TSHZ2: variants seen among roughly 807,000 people sequenced by gnomAD.
TSHZ2 encodes the protein teashirt homolog 2.
In TSHZ2, 21 loss-of-function variants were observed where a neutral mutation model predicts 74.4. The ratio of observed to expected loss-of-function variants is 0.28; its 90% CI spans 0.20 to 0.41. The LOEUF (loss-of-function observed/expected upper bound fraction) is 0.41. Among genes scored for constraint, TSHZ2 ranks in the 10% least tolerant of loss-of-function variants. The pLI is 1.00. For missense variants in TSHZ2, 1,244 were observed against 1,293.5 expected (o/e 0.96, Z 0.59); for synonymous variants, 540 against 515.3 (o/e 1.05, Z -0.65).
At position 53,494,335 on chromosome 20, in the gene TSHZ2, G is replaced by A. The variant is rs1023662549; in HGVS notation, c.*7200G>A. On this transcript the variant is annotated 3_prime_UTR_variant, in exon 3 of 3. Coordinates refer to ENST00000371497, the MANE Select transcript of TSHZ2 (RefSeq NM_173485.6). ...TTTCAGAAAAAGTGCTCCCTTTCCTGTCCTGTGGTGCCACCATCCTGTCCT... is the reference window on the plus strand; with the variant it reads ...TTTCAGAAAAAGTGCTCCCTTTCCTATCCTGTGGTGCCACCATCCTGTCCT... 2.0e-5 allele frequency: 3 copies of A among 151,170 alleles called. No homozygotes were observed. The highest frequency in any genetic ancestry group is 7.3e-5 in the African/African-American group (3 of 41,082). The allele number at this position is 151,170 out of a possible 1,614,324, so 9.4% of individuals were successfully genotyped here.
chr20:53,430,521 G>T (rs1983805360), intron 2 of TSHZ2, among the ~76,000 whole-genome samples: 1 of 150,800 alleles, frequency 6.6e-6, no homozygotes, highest in Non-Finnish European at 1.5e-5. Context: ...AATCAAGAAG[G>T]TTATATGTGA....
intron 2 of TSHZ2, among the ~76,000 whole-genome samples, chr20:53,440,286 G>A (rs1984261908): frequency 6.6e-6 from 1 of 152,188 alleles, no homozygotes; most frequent in Non-Finnish European, 1.5e-5. Flanking sequence ...AAAAGCAGCT[G>A]ATAACTGATA....
At position 53,255,981 on chromosome 20, in the gene TSHZ2, A is replaced by C; in HGVS notation, c.2523A>C (p.Arg841Ser). The C allele has an allele frequency of 6.2e-7, 1 of 1,613,800 alleles. No homozygotes were observed. Among genetic ancestry groups the C allele is most frequent in the Non-Finnish European group, 8.5e-7 (1 of 1,179,758 alleles). The change falls in exon 2 of 3, where the codon AGA becomes AGC. Residue 841 changes from arginine to serine, a missense_variant. Physicochemically the swap from Arg to Ser is moderately radical, Grantham distance 110. This residue lies in a region of TSHZ2 where 562 missense variants were observed against 544.0 expected (regional missense o/e 1.03). Transcript: ENST00000371497. The surrounding 1 kb of genome is among the most constrained non-coding windows in gnomAD (Gnocchi z 4.1). The part of the protein sequence containing the change: ...VSSEVSTLHK[R>S]KGRQSNWNPQ... ...GTGAAGTCTCAACTTTGCATAAAAG[A>C]AAAGGCCGGCAGTCCAACTGGAATC...
intron 1 of TSHZ2, 62 bp downstream of exon 1, chr20:52,973,395 T>A: frequency 6.5e-7 from 1 of 1,541,730 alleles, no homozygotes; most frequent in South Asian, 1.2e-5. Context: ...CCGCCCTCCT[T>A]GCCCCTGGGT....
intron 2 of TSHZ2, among the ~76,000 whole-genome samples, chr20:53,326,115 C>T (rs961921116): frequency 1.3e-5 from 2 of 152,312 alleles, no homozygotes; most frequent in Admixed American, 1.3e-4. Flanking sequence ...TGTCTTACAC[C>T]TGCACCACCC....
chr20:53,253,464 T>C (rs368307825), intron 1 of TSHZ2, 35 bp from the exon 2 acceptor site: 19 of 1,556,990 alleles, frequency 1.2e-5, no homozygotes, highest in Non-Finnish European at 1.6e-5. Context: ...ATGGAGCCTG[T>C]TACTGTCGTT....
At chr20:53,148,677 A>G (rs1174288458) in intron 1 of TSHZ2, among the ~76,000 whole-genome samples, 1 of 152,222 alleles carries the variant, frequency 6.6e-6, no homozygotes, top group Non-Finnish European at 1.5e-5. Context: ...AATAGAAAAA[A>G]TATATAGATA....
At chr20:53,267,662 C>G (rs1374586459) in intron 2 of TSHZ2, among the ~76,000 whole-genome samples, 1 of 152,148 alleles carries the variant, frequency 6.6e-6, no homozygotes, top group Non-Finnish European at 1.5e-5. Flanking sequence ...TTTAAAGATG[C>G]CCAGTGTATG....
chr20:53,466,460 C>G (rs1256987034), intron 2 of TSHZ2, among the ~76,000 whole-genome samples: 1 of 152,156 alleles, frequency 6.6e-6, no homozygotes. Context: ...CTGCACTCCA[C>G]TTAGAGAAGA....
chr20:53,454,210 T>C (rs1984949583), intron 2 of TSHZ2, among the ~76,000 whole-genome samples: 1 of 152,124 alleles, frequency 6.6e-6, no homozygotes, highest in Non-Finnish European at 1.5e-5. Flanking sequence ...ACAAAACTGC[T>C]TAACTGTCTT....
chr20:53,365,302 T>G (rs1281572209), intron 2 of TSHZ2, among the ~76,000 whole-genome samples: 1 of 152,188 alleles, frequency 6.6e-6, no homozygotes, highest in Admixed American at 6.5e-5. Flanking sequence ...CTTGGCATGA[T>G]GAATGCATGT....
chr20:53,268,867 T>A (rs1029898671), intron 2 of TSHZ2, among the ~76,000 whole-genome samples: 1 of 152,112 alleles, frequency 6.6e-6, no homozygotes, highest in Non-Finnish European at 1.5e-5. Flanking sequence ...GGCTTCGGGG[T>A]CAGACACACC....
At chr20:53,323,563 CTTTTTTTTTTTTTTTTTTTT>C (rs34687825) in intron 2 of TSHZ2, among the ~76,000 whole-genome samples, 1 of 36,662 alleles carries the variant, frequency 2.7e-5, no homozygotes, top group African/African-American at 1.2e-4. Context: ...CCTTGGAGGG[CTTTTTTTTTTTTTTTTTTTT>C]TTTTTTTTTT....
At chr20:53,111,154 A>T (rs971612465) in intron 1 of TSHZ2, among the ~76,000 whole-genome samples, 2 of 152,242 alleles carry the variant, frequency 1.3e-5, no homozygotes, top group Admixed American at 1.3e-4. Flanking sequence ...TTGATATAAA[A>T]GGAAATTGTC....
At chr20:53,215,648 C>T (rs1169619056) in intron 1 of TSHZ2, among the ~76,000 whole-genome samples, 1 of 151,684 alleles carries the variant, frequency 6.6e-6, no homozygotes, top group Non-Finnish European at 1.5e-5. Flanking sequence ...AGGTGGATCA[C>T]CTGAGGTCGG....
intron 2 of TSHZ2, among the ~76,000 whole-genome samples, chr20:53,481,535 C>G (rs1406881418): frequency 6.6e-6 from 1 of 151,568 alleles, no homozygotes; most frequent in Non-Finnish European, 1.5e-5. Context: ...GATCATGCCA[C>G]TGTACTCAAG....
chr20:53,379,306 C>T (rs1292688715), intron 2 of TSHZ2, among the ~76,000 whole-genome samples: 3 of 152,198 alleles, frequency 2.0e-5, no homozygotes, highest in Middle Eastern at 3.4e-3. Flanking sequence ...CACCTGAGCC[C>T]GGGAGGTAAA....
chr20:53,298,593 G>A (rs2145476537), intron 2 of TSHZ2, among the ~76,000 whole-genome samples: 1 of 152,334 alleles, frequency 6.6e-6, no homozygotes, highest in Non-Finnish European at 1.5e-5. Context: ...ACTGAGGCAG[G>A]GAGCGGGAGG....
chr20:53,332,175 C>G (rs897691426), intron 2 of TSHZ2, among the ~76,000 whole-genome samples: 1 of 152,114 alleles, frequency 6.6e-6, no homozygotes, highest in East Asian at 1.9e-4. Context: ...CTCACCCTGC[C>G]GAAGCCTGAA....
Sources: gnomAD v4.1 joint callset for allele counts (sites outside exome capture counted in the v4.1 genomes callset) on GRCh38, gnomAD v4.1.1 for gene constraint, gnomAD v4.1.1 regional missense constraint, Gnocchi (gnomAD v3.1) non-coding constraint, MANE v1.5 for transcripts, NCBI Gene and HGNC (gene_info 2026-07-23, HGNC 2026-07-21) for gene names.